MACROH2A2: variants seen among roughly 807,000 people sequenced by gnomAD.
The protein encoded by MACROH2A2 is macroH2A.2 histone.
MACROH2A2 carries 6 observed loss-of-function variants against 37.6 expected under a neutral mutation model. That is an observed-to-expected ratio of 0.16 (90% CI 0.09 to 0.32). The LOEUF is 0.32. MACROH2A2 is among the 10% of genes least tolerant of loss of function. The pLI, the probability that MACROH2A2 is intolerant of heterozygous loss-of-function variation, is 1.00. For synonymous variants in MACROH2A2, 192 were observed against 202.7 expected (o/e 0.95, Z 0.45); for missense variants, 290 against 485.9 (o/e 0.60, Z 3.79).
chr10:70,087,663 C>G (rs1012637203), intron 2 of MACROH2A2, among the ~76,000 whole-genome samples: 1 of 152,222 alleles, frequency 6.6e-6, no homozygotes, highest in Non-Finnish European at 1.5e-5. Flanking sequence ...GGTTCACAGA[C>G]AGCATTAATT....
At chr10:70,099,802 T>C (rs2072296284) in intron 6 of MACROH2A2, among the ~76,000 whole-genome samples, 1 of 152,236 alleles carries the variant, frequency 6.6e-6, no homozygotes, top group Non-Finnish European at 1.5e-5. Context: ...GGCCTCTGTC[T>C]GTCCTTTGAC....
intron 4 of MACROH2A2, 88 bp downstream of exon 4, chr10:70,092,042 C>A: frequency 9.3e-7 from 1 of 1,072,446 alleles, no homozygotes; most frequent in South Asian, 1.5e-5. Context: ...ATGTTGAAAC[C>A]TAACCCCAGA....
At chr10:70,091,371 C>T (rs2072243565) in intron 3 of MACROH2A2, among the ~76,000 whole-genome samples, 1 of 152,222 alleles carries the variant, frequency 6.6e-6, no homozygotes, top group Non-Finnish European at 1.5e-5. Flanking sequence ...CCACATTTAA[C>T]AGTTAGAACC....
chr10:70,084,401 A>T (rs1396784082), intron 2 of MACROH2A2, among the ~76,000 whole-genome samples: 2 of 152,206 alleles, frequency 1.3e-5, no homozygotes, highest in Non-Finnish European at 2.9e-5. Flanking sequence ...AAAGTAAAGC[A>T]TCTTGCTGGG....
chr10:70,100,742 G>A (rs1313645749), intron 7 of MACROH2A2, among the ~76,000 whole-genome samples: 3 of 151,090 alleles, frequency 2.0e-5, no homozygotes, highest in East Asian at 3.9e-4. Context: ...TTAGCCTCCC[G>A]AGTTGCTGGA....
chr10:70,089,642 G>A (rs4746953), intron 2 of MACROH2A2, among the ~76,000 whole-genome samples: 7,412 of 152,276 alleles, frequency 0.049, 353 homozygotes, highest in East Asian at 0.23. Context: ...GGAAGAGGGA[G>A]AACTGATGCT....
intron 2 of MACROH2A2, among the ~76,000 whole-genome samples, chr10:70,088,066 T>A (rs12250888): frequency 7.8e-4 from 119 of 152,286 alleles, no homozygotes; most frequent in African/African-American, 2.7e-3. Flanking sequence ...TAGGGCTTAG[T>A]ATTTGTGCCA....
At chr10:70,063,400 G>A (rs1426138199) in intron 1 of MACROH2A2, among the ~76,000 whole-genome samples, 2 of 152,172 alleles carry the variant, frequency 1.3e-5, no homozygotes, top group Non-Finnish European at 2.9e-5. Context: ...TGCTGCAATT[G>A]TGCAAATACA....
At chr10:70,080,706 A>G (rs2072170816) in intron 2 of MACROH2A2, among the ~76,000 whole-genome samples, 1 of 151,276 alleles carries the variant, frequency 6.6e-6, no homozygotes, top group African/African-American at 2.4e-5. Context: ...ACATGATGAA[A>G]CCCCATCTCT....
At chr10:70,098,366 G>GT (rs1235658613) in intron 6 of MACROH2A2, 7 of 140,538 alleles carry the variant, frequency 5.0e-5, no homozygotes, top group Non-Finnish European at 1.1e-4. Flanking sequence ...GGAAGGGAAG[G>GT]TAGAGAAGGA....
At chr10:70,081,647 C>G (rs539629863) in intron 2 of MACROH2A2, among the ~76,000 whole-genome samples, 2 of 152,094 alleles carry the variant, frequency 1.3e-5, no homozygotes, top group Admixed American at 6.5e-5. Flanking sequence ...TTGGCAAGGA[C>G]GGCATGGGAG....
chr10:70,105,294 G>C (rs2072330532), intron 7 of MACROH2A2, among the ~76,000 whole-genome samples: 1 of 152,210 alleles, frequency 6.6e-6, no homozygotes, highest in Admixed American at 6.5e-5. Flanking sequence ...GGATGTGATT[G>C]TAGGCCCTGA....
Position 70,053,050 on chromosome 10 carries a change from G to C in MACROH2A2, c.-60+50G>C, listed in dbSNP as rs543848794. 1 of 152,470 alleles carries C rather than the reference G, an allele frequency of 6.6e-6. No homozygotes were observed. The highest frequency in any genetic ancestry group is 1.9e-4 in the East Asian group (1 of 5,156). The allele number at this position is 152,470 out of a possible 1,614,324, so 9.4% of individuals were successfully genotyped here. A position where few individuals can be genotyped will look rare whatever the true frequency, so the allele number is the denominator to read the frequency against. ...TATTGTTTAGGGTGCTCCGGGGTCT[G>C]GAAACAAAACGCGCCGCCGGGGCAG... On this transcript the variant is annotated intron_variant, in intron 1 of 8. Coordinates refer to ENST00000373255, the MANE Select transcript of MACROH2A2 (RefSeq NM_018649.3). The surrounding 1 kb of genome is among the most constrained non-coding windows in gnomAD (Gnocchi z 4.8).
intron 1 of MACROH2A2, among the ~76,000 whole-genome samples, chr10:70,058,636 TTATA>T (rs35874210): frequency 6.7e-6 from 1 of 150,118 alleles, no homozygotes; most frequent in African/African-American, 2.4e-5. Flanking sequence ...ACTGCCAATT[TTATA>T]TATATATATA....
rs201620779 is a variant in MACROH2A2, at chr10:70,109,008, C to A, written c.779-25C>A. The A allele has an allele frequency of 4.0e-5, 64 of 1,608,344 alleles. No homozygotes were observed. The Admixed American group carries it at 6.7e-4, about 17-fold the overall frequency. ...CTAGGAAACCTTAGGAAATAACCCG[C>A]GGCATTTTCTCTCCTATGTCCCAGC... On this transcript the variant is annotated intron_variant, in intron 7 of 8. Transcript: ENST00000373255.
intron 1 of MACROH2A2, among the ~76,000 whole-genome samples, chr10:70,062,588 T>G (rs1181042145): frequency 6.6e-6 from 1 of 152,228 alleles, no homozygotes; most frequent in African/African-American, 2.4e-5. Context: ...GAGAATGATC[T>G]CGAAAGAGTG....
intron 7 of MACROH2A2, among the ~76,000 whole-genome samples, chr10:70,104,253 G>A (rs1168629477): frequency 6.6e-6 from 1 of 151,948 alleles, no homozygotes; most frequent in East Asian, 1.9e-4. Context: ...TCTAATAGGA[G>A]GCCCCACATA....
chr10:70,084,160 T>C (rs2072197115), intron 2 of MACROH2A2, among the ~76,000 whole-genome samples: 1 of 152,160 alleles, frequency 6.6e-6, no homozygotes. Context: ...GATTATTGGG[T>C]CTCACCACTT....
chr10:70,053,792 C>G lies in MACROH2A2; in HGVS notation c.-60+792C>G, dbSNP rs2071991812. Among the ~76,000 whole-genome samples the G allele has an allele frequency of 6.6e-6, 1 of 151,990 alleles. No individual in the cohort carries two copies. Among genetic ancestry groups the G allele is most frequent in the South Asian group, 2.1e-4 (1 of 4,820 alleles). On this transcript the variant is annotated intron_variant, in intron 1 of 8. Coordinates refer to ENST00000373255, the MANE Select transcript of MACROH2A2 (RefSeq NM_018649.3). The surrounding 1 kb of genome is among the most constrained non-coding windows in gnomAD (Gnocchi z 4.8). ...GAAATGGCGGCCCGGCCGTGGCTCG[C>G]CTGGGCAGTCTGGCTCCCGCTTTGC...
Sources: allele counts gnomAD v4.1 joint callset (sites outside exome capture counted in the v4.1 genomes callset), GRCh38; gene constraint gnomAD v4.1.1; non-coding constraint Gnocchi (gnomAD v3.1); transcripts MANE v1.5; gene names NCBI Gene and HGNC (gene_info 2026-07-23, HGNC 2026-07-21).